The following RP1 variants were observed in gnomAD, a reference collection of about 807,000 sequenced individuals.
The protein encoded by RP1 is oxygen-regulated protein 1.
In RP1, 16 loss-of-function variants were observed where a neutral mutation model predicts 14.8. The observed-to-expected ratio is 1.08, with a 90% CI of 0.73 to 1.65. The LOEUF (loss-of-function observed/expected upper bound fraction) is 1.65. Ranked by LOEUF, RP1 falls within the 40% of genes most tolerant of loss-of-function variation. RP1 has a pLI of 0.00. For missense variants in RP1, 2,631 were observed against 2,535.0 expected, an observed-to-expected ratio of 1.04 and a Z score of -0.81; for synonymous variants, 876 against 883.6, an observed-to-expected ratio of 0.99 and a Z score of 0.15.
intron 18 of RP1, among the ~76,000 whole-genome samples, chr8:54,735,345 C>T (rs1483665589): frequency 6.6e-6 from 1 of 152,146 alleles, no homozygotes; most frequent in South Asian, 2.1e-4. Flanking sequence ...CCTTGTTCCT[C>T]AGAGCTTTGG....
chr8:54,669,673 T>C (rs1446925596), intron 7 of RP1, among the ~76,000 whole-genome samples: 2 of 152,184 alleles, frequency 1.3e-5, no homozygotes, highest in Admixed American at 1.3e-4. Flanking sequence ...GTGGCACATA[T>C]ACACCATGGA....
At chr8:54,684,137 C>G (rs986333195) in intron 12 of RP1, among the ~76,000 whole-genome samples, 1 of 151,506 alleles carries the variant, frequency 6.6e-6, no homozygotes, top group Non-Finnish European at 1.5e-5. Context: ...TATGTTGAAT[C>G]AACCTTGCAT....
chr8:54,653,193 A>C (rs957520066), intron 5 of RP1, among the ~76,000 whole-genome samples: 1 of 152,202 alleles, frequency 6.6e-6, no homozygotes, highest in Admixed American at 6.5e-5. Context: ...AATGTTGTAA[A>C]GATAGACCAC....
chr8:54,572,920 C>T (rs1273940874), intron 1 of RP1, among the ~76,000 whole-genome samples: 1 of 152,140 alleles, frequency 6.6e-6, no homozygotes, highest in Non-Finnish European at 1.5e-5. Context: ...TGTCTAATAA[C>T]ATATTTAAGA....
chr8:54,735,967 G>A (rs1808909631), intron 18 of RP1, among the ~76,000 whole-genome samples: 1 of 152,112 alleles, frequency 6.6e-6, no homozygotes, highest in Non-Finnish European at 1.5e-5. Flanking sequence ...GAATTACCCA[G>A]GGAGCTTTAA....
At chr8:54,631,969 G>T (rs747158528), downstream of RP1, among the ~76,000 whole-genome samples, 43 of 151,878 alleles carry the variant, frequency 2.8e-4, no homozygotes, top group Non-Finnish European at 5.4e-4. Context: ...AGCCTCCCAA[G>T]TAGCTGGGAT....
chr8:54,652,471 T>C (rs1806674433), intron 4 of RP1, among the ~76,000 whole-genome samples: 2 of 152,136 alleles, frequency 1.3e-5, no homozygotes, highest in South Asian at 4.2e-4. Context: ...CTATAGATGT[T>C]AGGTCTAGGT....
chr8:54,622,018 A>G, intron 2 of RP1, 99 bp from the exon 3 acceptor site: 1 of 1,193,330 alleles, frequency 8.4e-7, no homozygotes, highest in East Asian at 2.4e-5. Flanking sequence ...GATGTCTTTC[A>G]AGCCTAGGAG....
chr8:54,625,964 A>G lies in RP1; in HGVS notation c.2082A>G (p.Gly694=). Residue 694 remains glycine (G), a synonymous_variant, in exon 4 of 4, where the codon GGA becomes GGG. Transcript: ENST00000220676. ...RYQDGQLATK[G]ILNKNERINT... ...AAGATGGACAGCTTGCAACCAAAGG[A>G]ATTCTTAATAAGAATGAGAGAATAA... 6.2e-7 allele frequency: 1 copy of G among 1,613,960 alleles called. No individual in the cohort carries two copies. Among genetic ancestry groups the G allele is most frequent in the Non-Finnish European group, 8.5e-7 (1 of 1,179,902 alleles).
intron 23 of RP1, among the ~76,000 whole-genome samples, chr8:54,779,787 A>C (rs770112143): frequency 1.3e-5 from 2 of 152,172 alleles, no homozygotes; most frequent in African/African-American, 2.4e-5. Flanking sequence ...GACTCAGTCA[A>C]ATCCCCTTGC....
chr8:54,593,190 G>A (rs572289163), intron 1 of RP1, among the ~76,000 whole-genome samples: 4 of 152,178 alleles, frequency 2.6e-5, no homozygotes, highest in Admixed American at 6.5e-5. Context: ...GCAAATATGC[G>A]GTTTCAAAAT....
At chr8:54,779,997 C>G (rs181660290) in intron 23 of RP1, among the ~76,000 whole-genome samples, 1 of 122,878 alleles carries the variant, frequency 8.1e-6, no homozygotes, top group Non-Finnish European at 1.7e-5. Flanking sequence ...TAACATGGCT[C>G]AGCTAGGTGA....
At chr8:54,734,790 C>T in intron 18 of RP1, 1 of 1,459,816 alleles carries the variant, frequency 6.9e-7, no homozygotes, top group Non-Finnish European at 9.1e-7. Context: ...ATTTCAAAGA[C>T]ATTTCTGTAA....
At chr8:54,831,622 A>C (rs1039312007) in intron 24 of RP1, among the ~76,000 whole-genome samples, 17 of 151,778 alleles carry the variant, frequency 1.1e-4, no homozygotes, top group Non-Finnish European at 1.0e-4. Context: ...CATAAAACAT[A>C]AAACATCCTA....
At chr8:54,689,875 T>C (rs1807668759) in intron 12 of RP1, among the ~76,000 whole-genome samples, 1 of 152,040 alleles carries the variant, frequency 6.6e-6, no homozygotes, top group Non-Finnish European at 1.5e-5. Flanking sequence ...TAATACATAC[T>C]TTTTAAGTTT....
intron 19 of RP1, among the ~76,000 whole-genome samples, chr8:54,745,855 A>G (rs567371266): frequency 6.6e-6 from 1 of 152,284 alleles, no homozygotes; most frequent in African/African-American, 2.4e-5. Context: ...CGACTCTTTC[A>G]TAGTACTCAC....
At chr8:54,851,164 T>A (rs1220820648) in intron 25 of RP1, among the ~76,000 whole-genome samples, 1 of 152,190 alleles carries the variant, frequency 6.6e-6, no homozygotes, top group Non-Finnish European at 1.5e-5. Flanking sequence ...TTGAGAAGTA[T>A]CTGAGGCCAT....
intron 24 of RP1, among the ~76,000 whole-genome samples, chr8:54,831,462 T>A (rs11996782): frequency 0.28 from 39,776 of 140,270 alleles, 5,913 homozygotes; most frequent in South Asian, 0.34. Context: ...TACCTGTGCC[T>A]GTTTTTTGTT....
chr8:54,825,017 T>C (rs1434741157), intron 24 of RP1, among the ~76,000 whole-genome samples: 2 of 151,862 alleles, frequency 1.3e-5, no homozygotes, highest in African/African-American at 2.4e-5. Context: ...CCAGGCTAGA[T>C]AGAGTGCAGT....
Sources: allele counts gnomAD v4.1 joint callset (sites outside exome capture counted in the v4.1 genomes callset), GRCh38; gene constraint gnomAD v4.1.1; transcripts MANE v1.5; gene names NCBI Gene and HGNC (gene_info 2026-07-23, HGNC 2026-07-21).